The following SLC12A5 variants were observed in gnomAD, a reference collection of about 807,000 sequenced individuals.
The protein encoded by SLC12A5 is K-Cl cotransporter 2.
Under a neutral mutation model 124.0 loss-of-function variants are expected in SLC12A5, and 18 were observed. That is an observed-to-expected ratio of 0.15 (90% CI 0.10 to 0.22). The LOEUF (loss-of-function observed/expected upper bound fraction) is 0.22. SLC12A5 is among the 10% of genes least tolerant of loss of function. The pLI is 1.00. For synonymous variants in SLC12A5, 589 were observed against 568.0 expected (o/e 1.04, Z -0.53); for missense variants, 867 against 1,478.7 (o/e 0.59, Z 6.78).
rs778428073 is a variant in SLC12A5 at position 46,049,682 on chromosome 20, G to C, written c.2073G>C (p.Leu691=). The C allele has an allele frequency of 1.2e-6, 2 of 1,606,232 alleles. No homozygotes were observed. Among genetic ancestry groups the C allele is most frequent in the Admixed American group, 3.4e-5 (2 of 58,728 alleles). Reference sequence around the variant, plus strand: ...ACCAGAATGTGGTGCACCCCCAGCTGCTCTCACTGACCTCCCAGCTGAAGG... The same window carrying C: ...ACCAGAATGTGGTGCACCCCCAGCTCCTCTCACTGACCTCCCAGCTGAAGG... ...DQDQNVVHPQ[L]LSLTSQLKAG... Residue 691 remains leucine, a synonymous_variant, in exon 17 of 26, where the codon CTG becomes CTC. Transcript: ENST00000243964.
chr20:46,022,869 G>C (rs2145465210), intron 1 of SLC12A5: 2 of 398,778 alleles, frequency 5.0e-6, no homozygotes, highest in East Asian at 7.1e-5. Flanking sequence ...ACTCATCAGG[G>C]GTCCTCTCCC....
At chr20:46,021,839 G>T in exon 1 of SLC12A5, 1 of 1,533,508 alleles carries the variant, frequency 6.5e-7, no homozygotes, top group South Asian at 1.2e-5. Context: ...GAGTCCCGCC[G>T]GCATTCGGTC....
intron 14 of SLC12A5, among the ~76,000 whole-genome samples, chr20:46,047,175 G>A (rs374842374): frequency 1.3e-5 from 2 of 152,226 alleles, no homozygotes; most frequent in Non-Finnish European, 2.9e-5. Context: ...ACCTGGCCAG[G>A]CCTGTCTGGC....
intron 16 of SLC12A5, 92 bp from the exon 17 acceptor site, chr20:46,049,530 G>A (rs1179868392): frequency 8.8e-6 from 13 of 1,472,562 alleles, no homozygotes; most frequent in Non-Finnish European, 1.2e-5. Context: ...GGTTATAGAG[G>A]AGAGATGGCT....
At position 46,053,709 on chromosome 20, in the gene SLC12A5, G is replaced by A; in HGVS notation, c.2679G>A (p.Met893Ile). The A allele has an allele frequency of 6.3e-7, 1 of 1,586,946 alleles. No individual in the cohort carries two copies. The highest frequency in any genetic ancestry group is 8.6e-7 in the Non-Finnish European group (1 of 1,163,210). Reference protein sequence around the residue: ...RITAEVEVVEMHESDISAYTY... With the variant: ...RITAEVEVVEIHESDISAYTY... ...CTGCGGAGGTCGAGGTGGTGGAGATGGTGAGTCCCCAGGAGACACCGCTGG... is the reference window on the plus strand; with the variant it reads ...CTGCGGAGGTCGAGGTGGTGGAGATAGTGAGTCCCCAGGAGACACCGCTGG... Residue 893 changes from methionine to isoleucine, a missense_variant and splice_region_variant, in exon 20 of 26, where the codon ATG (methionine) becomes ATA (isoleucine). Transcript: ENST00000243964. The surrounding 1 kb of genome is among the most constrained non-coding windows in gnomAD (Gnocchi z 4.7).
chr20:46,054,740 A>G (rs769131363), intron 20 of SLC12A5, among the ~76,000 whole-genome samples, 176 bp from the exon 21 acceptor site: 4 of 152,170 alleles, frequency 2.6e-5, no homozygotes, highest in Non-Finnish European at 5.9e-5. Context: ...CCTCTCTGCT[A>G]CGTCCTTGCC....
chr20:46,035,343 G>T, intron 2 of SLC12A5, 61 bp from the exon 3 acceptor site: 2 of 1,567,808 alleles, frequency 1.3e-6, no homozygotes, highest in South Asian at 2.3e-5. Context: ...TCTGCCCTTC[G>T]CCACCCAGCT....
In SLC12A5 at chr20:46,048,134, C is replaced by G. The variant is rs776593678; in HGVS notation, c.2012+49C>G. On this transcript the variant is annotated intron_variant, in intron 16 of 25. Coordinates refer to ENST00000243964, the MANE Select transcript of SLC12A5 (RefSeq NM_020708.5). The stretch of plus-strand genomic sequence containing the variant: ...GCATAAGAGTGTGTGTGCATGAGTG[C>G]AAGGCTCAGGAGACAGGGGGAAGGG... The G allele has an allele frequency of 4.6e-6, 7 of 1,512,252 alleles. No individual in the cohort carries two copies. The South Asian group carries it at 8.4e-5, about 18-fold the overall frequency. The allele number at this position is 1,512,252 out of a possible 1,614,324, so 93.7% of individuals were successfully genotyped here.
upstream of SLC12A5, among the ~76,000 whole-genome samples, chr20:46,026,904 TC>T (rs1289729450): frequency 6.6e-6 from 1 of 152,178 alleles, no homozygotes; most frequent in Non-Finnish European, 1.5e-5. Flanking sequence ...AATCTAGGTT[TC>T]CCCATGCATG....
rs909008332 is a variant in SLC12A5 at position 46,059,942 on chromosome 20, C to T, written c.*2337C>T. On this transcript the variant is annotated 3_prime_UTR_variant, in exon 26 of 26. Transcript: ENST00000243964. ...ACTATTACTGCTATTATTATTAGGCCTGCCTTTAATTTTCAGTGTAAGTGT... is the reference window on the plus strand; with the variant it reads ...ACTATTACTGCTATTATTATTAGGCTTGCCTTTAATTTTCAGTGTAAGTGT... 10 of 274,074 alleles carry T rather than the reference C, an allele frequency of 3.6e-5. No individual in the cohort carries two copies. The highest frequency in any genetic ancestry group is 6.6e-5 in the African/African-American group (3 of 45,800). 17.0% of individuals were successfully genotyped at this position (274,074 alleles called of 1,614,324 possible).
In SLC12A5 at chr20:46,053,010, G is replaced by A. The variant is rs201152687; in HGVS notation, c.2431G>A (p.Val811Ile). 1.1e-5 allele frequency: 18 copies of A among 1,614,014 alleles called. No individual in the cohort carries two copies. Among genetic ancestry groups the A allele is most frequent in the Admixed American group, 1.7e-5 (1 of 59,992 alleles). ...CTTAGCCCTGCTGGTCACCAAGAAC[G>A]TTTCCATGTTTCCTGGGAACCCTGA... ...GHLALLVTKN[V>I]SMFPGNPERF... The change falls in exon 19 of 26, where the codon GTT becomes ATT. Residue 811 changes from valine (V) to isoleucine (I), a missense_variant. Val to Ile is a conservative substitution (Grantham distance 29, BLOSUM62 3). Transcript: ENST00000243964. This position sits in a 1 kb window ranked among gnomAD's most constrained non-coding sequence, Gnocchi z 4.7.
intron 6 of SLC12A5, among the ~76,000 whole-genome samples, 161 bp from the exon 7 acceptor site, chr20:46,040,212 C>A (rs2084533187): frequency 6.6e-6 from 1 of 152,248 alleles, no homozygotes; most frequent in South Asian, 2.1e-4. Context: ...CCTTGCAGGA[C>A]AGGCCATGCC....
At position 46,030,947 on chromosome 20, in the gene SLC12A5, G is replaced by A. The variant is rs184324895; in HGVS notation, c.52+1551G>A. 3.3e-5 allele frequency among the ~76,000 whole-genome samples: 5 copies of A among 152,096 alleles called. No individual in the cohort carries two copies. In the East Asian group the frequency reaches 9.7e-4, roughly 30 times the overall value. ...TCATCCAGCATCCGCCCCCTCCCCC[G>A]CGGGCTTCTGGCCGGAGGGGGAGGG... is the stretch of plus-strand genomic sequence containing the variant. On this transcript the variant is annotated intron_variant, in intron 1 of 25. Transcript: ENST00000243964.
intron 6 of SLC12A5, among the ~76,000 whole-genome samples, chr20:46,038,690 C>CA (rs1336931306): frequency 1.3e-5 from 2 of 152,176 alleles, no homozygotes; most frequent in Admixed American, 1.3e-4. Flanking sequence ...TCCAGACTCA[C>CA]AAAAAATGAG....
At chr20:46,023,192 C>A (rs563422436) in intron 2 of SLC12A5, 98 of 397,862 alleles carry the variant, frequency 2.5e-4, no homozygotes, top group Non-Finnish European at 4.2e-4. Flanking sequence ...CCGAATGGCC[C>A]CAGTCCCGGG....
chr20:46,027,361 A>G (rs1259173359), upstream of SLC12A5, among the ~76,000 whole-genome samples: 1 of 152,230 alleles, frequency 6.6e-6, no homozygotes, highest in Non-Finnish European at 1.5e-5. Flanking sequence ...CTTTTGAGTC[A>G]GCTGCTGAAA....
chr20:46,043,721 C>T lies in SLC12A5; in HGVS notation c.1326C>T (p.Thr442=). Residue 442 remains threonine, a synonymous_variant, in exon 10 of 26, where the codon ACC becomes ACT. Coordinates refer to ENST00000243964, the MANE Select transcript of SLC12A5 (RefSeq NM_020708.5). ...PTGTILAIAT[T]SAVYISSVVL... is the part of the protein sequence containing the mutation. Reference sequence around the variant, plus strand: ...GCACCATCCTGGCCATCGCCACCACCTCTGCTGTCTGTATCCTGCACAGCT... The same window carrying T: ...GCACCATCCTGGCCATCGCCACCACTTCTGCTGTCTGTATCCTGCACAGCT... The T allele has an allele frequency of 1.2e-6, 2 of 1,614,244 alleles. No homozygotes were observed. The highest frequency in any genetic ancestry group is 1.7e-6 in the Non-Finnish European group (2 of 1,180,046).
At chr20:46,051,897 AAGAGGGGTGGGGCTGGGGGCTGT>A in intron 18 of SLC12A5, 27 bp downstream of exon 18, 1 of 1,233,692 alleles carries the variant, frequency 8.1e-7, no homozygotes, top group East Asian at 2.9e-5. Flanking sequence ...CTGGGGACAG[AAGAGGGGTGGGGCTGGGGGCTGT>A]AGAGGGGTGG....
At chr20:46,037,932 G>A (rs146398178) in intron 6 of SLC12A5, among the ~76,000 whole-genome samples, 247 of 152,312 alleles carry the variant, frequency 1.6e-3, no homozygotes, top group African/African-American at 5.5e-3. Flanking sequence ...GGAGGGATCC[G>A]TATAAAGACA....
Sources: allele counts gnomAD v4.1 joint callset (sites outside exome capture counted in the v4.1 genomes callset), GRCh38; gene constraint gnomAD v4.1.1; non-coding constraint Gnocchi (gnomAD v3.1); transcripts MANE v1.5; gene names NCBI Gene and HGNC (gene_info 2026-07-23, HGNC 2026-07-21).